OPCML: variants seen among roughly 807,000 people sequenced by gnomAD.
The protein encoded by OPCML is opioid binding protein/cell adhesion molecule like.
A neutral mutation model predicts 37.8 loss-of-function variants in OPCML; 13 were observed. The ratio of observed to expected loss-of-function variants is 0.34; its 90% CI spans 0.22 to 0.55. The LOEUF is 0.55. Among genes scored for constraint, OPCML ranks in the 20% least tolerant of loss-of-function variants. The pLI is 0.91. For missense variants in OPCML, 341 were observed against 435.6 expected (o/e 0.78, Z 1.93); for synonymous variants, 176 against 168.8 (o/e 1.04, Z -0.33).
At chr11:133,091,602 T>C (rs564641276) in intron 1 of OPCML, among the ~76,000 whole-genome samples, 1 of 152,208 alleles carries the variant, frequency 6.6e-6, no homozygotes, top group Non-Finnish European at 1.5e-5. Context: ...TTAATGTCGT[T>C]TGCCCTAGAG....
At chr11:132,473,700 C>A (rs1015550328) in intron 4 of OPCML, among the ~76,000 whole-genome samples, 1 of 152,082 alleles carries the variant, frequency 6.6e-6, no homozygotes, top group Non-Finnish European at 1.5e-5. Context: ...GTGGTGTGCA[C>A]CTGTGGTCCC....
rs7934589 is a variant in OPCML at position 132,442,074 on chromosome 11, G to A, written c.506-4715C>T. 4.8e-3 allele frequency among the ~76,000 whole-genome samples: 736 copies of A among 152,344 alleles called. 2 individuals are homozygous for A. The highest frequency in any genetic ancestry group is 0.017 in the African/African-American group (692 of 41,574). ...TCTGCTCACATCCAGGATGAGCGAG[G>A]TGTTGTGTCAGACGCTGTGGTGAGG... is the stretch of plus-strand genomic sequence containing the variant. On this transcript the variant is annotated intron_variant, in intron 4 of 7. Transcript: ENST00000524381.
At position 132,426,862 on chromosome 11, in the gene OPCML, G is replaced by A. The variant is rs1019406531; in HGVS notation, c.917-6569C>T. ...CTAAGCTTTTGCTGCTGCATTCAGG[G>A]GTGGCTCACCACCCTCTTGAGTGGC... is the stretch of plus-strand genomic sequence containing the variant. On this transcript the variant is annotated intron_variant, in intron 7 of 7. Coordinates refer to ENST00000524381, the MANE Select transcript of OPCML (RefSeq NM_001012393.5). Among the ~76,000 whole-genome samples, 5 of 152,108 alleles carry A rather than the reference G, an allele frequency of 3.3e-5. No individual in the cohort carries two copies. In the East Asian group the frequency reaches 9.6e-4, roughly 29 times the overall value.
chr11:133,312,119 C>T (rs1943079488), intron 1 of OPCML, among the ~76,000 whole-genome samples: 1 of 152,140 alleles, frequency 6.6e-6, no homozygotes, highest in Non-Finnish European at 1.5e-5. Context: ...AGATGACAGT[C>T]ATTTGGAGGC....
chr11:133,267,308 C>T (rs948195370), intron 1 of OPCML, among the ~76,000 whole-genome samples: 1 of 152,048 alleles, frequency 6.6e-6, no homozygotes, highest in African/African-American at 2.4e-5. Flanking sequence ...TAATTTTTAT[C>T]GATGGTGTAA....
intron 1 of OPCML, among the ~76,000 whole-genome samples, chr11:133,074,773 C>T (rs560126537): frequency 7.2e-5 from 11 of 152,262 alleles, no homozygotes; most frequent in African/African-American, 1.4e-4. Flanking sequence ...CATAATCATG[C>T]GTCATTATCT....
intron 2 of OPCML, among the ~76,000 whole-genome samples, chr11:132,824,360 A>C (rs935700346): frequency 2.0e-5 from 3 of 152,078 alleles, no homozygotes; most frequent in Non-Finnish European, 4.4e-5. Flanking sequence ...TCCAACGTGC[A>C]CCTAGAATCT....
At chr11:132,833,733 TA>T (rs1565897269) in intron 2 of OPCML, among the ~76,000 whole-genome samples, 1 of 152,190 alleles carries the variant, frequency 6.6e-6, no homozygotes, top group Non-Finnish European at 1.5e-5. Context: ...ATGATGTCAC[TA>T]GGCCATAGGA....
At chr11:132,475,494 G>C (rs1368429892) in intron 4 of OPCML, among the ~76,000 whole-genome samples, 1 of 152,072 alleles carries the variant, frequency 6.6e-6, no homozygotes, top group Non-Finnish European at 1.5e-5. Context: ...CCATTAGGGT[G>C]GGCCAAATCC....
intron 1 of OPCML, among the ~76,000 whole-genome samples, chr11:132,985,089 C>T (rs1252436398): frequency 1.3e-5 from 2 of 152,210 alleles, no homozygotes; most frequent in Non-Finnish European, 2.9e-5. Context: ...CTTTCATTCT[C>T]ATAGTTCCAC....
At chr11:132,475,127 T>C (rs1327552361) in intron 4 of OPCML, among the ~76,000 whole-genome samples, 1 of 152,156 alleles carries the variant, frequency 6.6e-6, no homozygotes, top group Non-Finnish European at 1.5e-5. Context: ...GAAGCAAAGG[T>C]TGGGTTTTGG....
intron 2 of OPCML, among the ~76,000 whole-genome samples, chr11:132,930,590 T>TA (rs910030165): frequency 1.5e-4 from 23 of 151,746 alleles, no homozygotes; most frequent in East Asian, 1.9e-4. Context: ...TCTGAAAACA[T>TA]AAAAAAAATT....
intron 2 of OPCML, among the ~76,000 whole-genome samples, chr11:132,867,738 G>T (rs1474009956): frequency 1.3e-5 from 2 of 152,182 alleles, no homozygotes; most frequent in African/African-American, 4.8e-5. Context: ...CCATTCCTTG[G>T]ATCTCTCTGC....
intron 1 of OPCML, among the ~76,000 whole-genome samples, chr11:133,202,943 G>T (rs1464112923): frequency 6.6e-6 from 1 of 152,202 alleles, no homozygotes; most frequent in East Asian, 1.9e-4. Flanking sequence ...AAAAGTAGCT[G>T]CACTTGTTTA....
intron 1 of OPCML, among the ~76,000 whole-genome samples, chr11:133,318,896 G>A (rs1456922322): frequency 1.3e-5 from 2 of 151,864 alleles, no homozygotes; most frequent in Non-Finnish European, 2.9e-5. Flanking sequence ...AATTAGCCAC[G>A]GGCACCTGTA....
intron 2 of OPCML, among the ~76,000 whole-genome samples, chr11:132,914,966 C>T (rs1407179451): frequency 2.0e-5 from 3 of 152,198 alleles, no homozygotes; most frequent in Non-Finnish European, 4.4e-5. Context: ...AATCACATTG[C>T]CCTCCAGGTC....
At chr11:133,463,654 T>C (rs1189958517) in intron 1 of OPCML, among the ~76,000 whole-genome samples, 1 of 152,124 alleles carries the variant, frequency 6.6e-6, no homozygotes. Flanking sequence ...GTTCTAGCTC[T>C]CTCAATAAAC....
chr11:132,800,943 A>AT (rs538710639), intron 2 of OPCML, among the ~76,000 whole-genome samples: 83 of 152,286 alleles, frequency 5.5e-4, no homozygotes, highest in African/African-American at 1.9e-3. Flanking sequence ...CTGATCTTCC[A>AT]TTTTATAAAA....
At chr11:132,481,019 A>G (rs533540418) in intron 4 of OPCML, among the ~76,000 whole-genome samples, 1 of 152,324 alleles carries the variant, frequency 6.6e-6, no homozygotes, top group Admixed American at 6.5e-5. Flanking sequence ...ACAATTTGAT[A>G]TTAATTATTA....
Sources: allele counts gnomAD v4.1 joint callset (sites outside exome capture counted in the v4.1 genomes callset), GRCh38; gene constraint gnomAD v4.1.1; transcripts MANE v1.5; gene names NCBI Gene and HGNC (gene_info 2026-07-23, HGNC 2026-07-21).